Variants in NSRP1 observed in about 807,000 individuals in gnomAD.
NSRP1 encodes coiled-coil domain containing 55.
Under a neutral mutation model 54.7 loss-of-function variants are expected in NSRP1, and 24 were observed. That is an observed-to-expected ratio of 0.44 (90% CI 0.32 to 0.62). NSRP1 has a LOEUF of 0.62. Among genes scored for constraint, NSRP1 ranks in the 20% least tolerant of loss-of-function variants. NSRP1 has a pLI of 0.06. For synonymous variants in NSRP1, 210 were observed against 213.8 expected (o/e 0.98, Z 0.15); for missense variants, 596 against 651.2 (o/e 0.92, Z 0.92).
intron 2 of NSRP1, among the ~76,000 whole-genome samples, chr17:30,132,532 C>T (rs893291817): frequency 6.6e-5 from 10 of 152,256 alleles, no homozygotes; most frequent in African/African-American, 2.4e-4. Context: ...CCAGCTTGGG[C>T]GACAGAGCGA....
chr17:30,137,720 T>C (rs1258367638), intron 2 of NSRP1, among the ~76,000 whole-genome samples: 1 of 152,238 alleles, frequency 6.6e-6, no homozygotes, highest in Non-Finnish European at 1.5e-5. Flanking sequence ...TCTGTTACTA[T>C]TGTGAATTAC....
chr17:30,175,917 C>A (rs563065394), intron 3 of NSRP1, among the ~76,000 whole-genome samples: 1 of 151,874 alleles, frequency 6.6e-6, no homozygotes, highest in South Asian at 2.1e-4. Context: ...GCAGGAGAGT[C>A]ACTTGAACAC....
Position 30,167,717 on chromosome 17 carries a change from A to T in NSRP1, c.115-4825A>T, listed in dbSNP as rs887585054. On this transcript the variant is annotated intron_variant, in intron 2 of 6. Transcript: ENST00000247026. ...TTGTTAAAAAGAAAAATATTTTCCC[A>T]TTCATGATATGACTACAATGTATCT... Among the ~76,000 whole-genome samples the T allele has an allele frequency of 8.5e-5, 13 of 152,292 alleles. No homozygotes were observed. The East Asian group carries it at 2.5e-3, about 29-fold the overall frequency.
chr17:30,176,085 G>GT (rs968687328), intron 3 of NSRP1, among the ~76,000 whole-genome samples: 26 of 142,050 alleles, frequency 1.8e-4, no homozygotes, highest in Middle Eastern at 3.5e-3. Flanking sequence ...TATTCATACT[G>GT]TTTTTTTTTG....
rs780996736 is a variant in NSRP1, at chr17:30,185,451, A to G, written c.1454A>G (p.Asn485Ser). Residue 485 changes from asparagine to serine, a missense_variant, in exon 7 of 7, where the codon AAC (asparagine) becomes AGC (serine). Coordinates refer to ENST00000247026, the MANE Select transcript of NSRP1 (RefSeq NM_032141.4). ...MRNMAKDKER[N>S]QEKPSNSESS... is the part of the protein sequence containing the mutation. Reference sequence around the variant, plus strand: ...AACATGGCAAAGGACAAAGAAAGAAACCAAGAGAAACCCTCTAATTCTGAA... The same window carrying G: ...AACATGGCAAAGGACAAAGAAAGAAGCCAAGAGAAACCCTCTAATTCTGAA... 2 of 1,608,788 alleles carry G rather than the reference A, an allele frequency of 1.2e-6. No individual in the cohort carries two copies. Among genetic ancestry groups the G allele is most frequent in the East Asian group, 2.2e-5 (1 of 44,872 alleles).
chr17:30,164,454 A>G (rs1904658670), intron 2 of NSRP1, among the ~76,000 whole-genome samples: 1 of 152,162 alleles, frequency 6.6e-6, no homozygotes, highest in Admixed American at 6.5e-5. Flanking sequence ...AAAGTGCCTT[A>G]TAGGAAGTAA....
chr17:30,151,774 CTTTT>C (rs780507533), intron 2 of NSRP1, among the ~76,000 whole-genome samples: 5 of 48,920 alleles, frequency 1.0e-4, no homozygotes, highest in Non-Finnish European at 1.6e-4. Context: ...TTGTCACTTT[CTTTT>C]TTTTTTTTTT....
intron 2 of NSRP1, among the ~76,000 whole-genome samples, chr17:30,135,368 G>C (rs1464937736): frequency 6.6e-6 from 1 of 151,686 alleles, no homozygotes; most frequent in African/African-American, 2.4e-5. Flanking sequence ...CAAGTGATCT[G>C]CCCACTTCGG....
chr17:30,146,854 G>A (rs2071860403), intron 2 of NSRP1, among the ~76,000 whole-genome samples: 4 of 152,184 alleles, frequency 2.6e-5, no homozygotes, highest in Non-Finnish European at 5.9e-5. Context: ...GCCTCACAAG[G>A]TGTTGGGATT....
In NSRP1 at chr17:30,121,557, C is replaced by CGT. The variant is rs1177357412; in HGVS notation, c.114+3397_114+3398dup. Among the ~76,000 whole-genome samples, 128 of 139,382 alleles carry CGT rather than the reference C, an allele frequency of 9.2e-4. No homozygotes were observed. In the Middle Eastern group the frequency reaches 0.012, roughly 13 times the overall value. The allele number at this position is 139,382 out of a possible 152,430, so 91.4% of individuals were successfully genotyped here. ...AAGTGTACAATTCACTGTGTGTGTG[C>CGT]GTGTGTGTGTGTGTTTTTTTTTTTT... On this transcript the variant is annotated intron_variant, in intron 2 of 6. Coordinates refer to ENST00000247026, the MANE Select transcript of NSRP1 (RefSeq NM_032141.4).
intron 5 of NSRP1, among the ~76,000 whole-genome samples, chr17:30,179,525 CTT>C (rs1271012911): frequency 2.0e-5 from 3 of 152,220 alleles, no homozygotes; most frequent in African/African-American, 7.2e-5. Context: ...TTCTACTAGA[CTT>C]TTCTCTTAGT....
chr17:30,126,790 T>C (rs557471388), intron 2 of NSRP1, among the ~76,000 whole-genome samples: 408 of 152,334 alleles, frequency 2.7e-3, no homozygotes, highest in Non-Finnish European at 5.2e-3. Context: ...GGTTTCGCCA[T>C]GTTGCCCAGG....
intron 6 of NSRP1, 35 bp downstream of exon 6, chr17:30,181,051 A>G (rs148935524): frequency 1.4e-5 from 17 of 1,238,280 alleles, no homozygotes; most frequent in Middle Eastern, 2.0e-4. Flanking sequence ...TTGAAGAAAA[A>G]TACTGTTAAT....
chr17:30,162,238 G>C (rs541247619), intron 2 of NSRP1, among the ~76,000 whole-genome samples: 1 of 152,166 alleles, frequency 6.6e-6, no homozygotes, highest in Admixed American at 6.5e-5. Context: ...CGCTGTTTTA[G>C]CCAGGATTGT....
At chr17:30,127,719 GTT>G (rs2071663273) in intron 2 of NSRP1, 7 of 332,460 alleles carry the variant, frequency 2.1e-5, no homozygotes, top group African/African-American at 4.3e-5. Flanking sequence ...TGGCCTAGTT[GTT>G]GCTTTTGGAT....
At chr17:30,182,195 T>C (rs768588078) in intron 6 of NSRP1, among the ~76,000 whole-genome samples, 6 of 152,102 alleles carry the variant, frequency 3.9e-5, no homozygotes, top group Non-Finnish European at 8.8e-5. Flanking sequence ...ATATAAGTCT[T>C]ATATACATGT....
chr17:30,171,369 A>T (rs1904927209), intron 2 of NSRP1, among the ~76,000 whole-genome samples: 1 of 149,468 alleles, frequency 6.7e-6, no homozygotes, highest in African/African-American at 2.5e-5. Context: ...GCAGTGGCAC[A>T]ATTTTGGCTC....
Position 30,126,987 on chromosome 17 carries a change from G to A in NSRP1, c.114+8814G>A, listed in dbSNP as rs143082195. On this transcript the variant is annotated intron_variant, in intron 2 of 6. Transcript: ENST00000247026. Reference sequence around the variant, plus strand: ...TAGTAAATGTTTTAGGCCTTGCAGGGCAACTGTACAACTTCATTCTCAGTG... The same window carrying A: ...TAGTAAATGTTTTAGGCCTTGCAGGACAACTGTACAACTTCATTCTCAGTG... Among the ~76,000 whole-genome samples the A allele has an allele frequency of 2.2e-4, 33 of 152,304 alleles. No individual in the cohort carries two copies. The East Asian group carries it at 5.0e-3, about 23-fold the overall frequency.
At chr17:30,151,134 A>G (rs1257554877) in intron 2 of NSRP1, among the ~76,000 whole-genome samples, 4 of 152,076 alleles carry the variant, frequency 2.6e-5, no homozygotes, top group Non-Finnish European at 4.4e-5. Flanking sequence ...GGCCATTTGT[A>G]TATCTTCTTT....
Sources: allele counts gnomAD v4.1 joint callset (sites outside exome capture counted in the v4.1 genomes callset), GRCh38; gene constraint gnomAD v4.1.1; transcripts MANE v1.5; gene names NCBI Gene and HGNC (gene_info 2026-07-23, HGNC 2026-07-21).